Variants in SEMA6A observed in about 807,000 individuals in gnomAD.
SEMA6A encodes the protein semaphorin-6A.
In SEMA6A, 25 loss-of-function variants were observed where a neutral mutation model predicts 96.8. The observed-to-expected ratio is 0.26, with a 90% confidence interval of 0.19 to 0.36. The LOEUF is 0.36. Ranked by LOEUF, SEMA6A falls within the 10% of genes least tolerant of loss-of-function variation. SEMA6A has a pLI of 1.00. For missense variants in SEMA6A, 1,363 were observed against 1,323.1 expected, an observed-to-expected ratio of 1.03 and a Z score of -0.47; for synonymous variants, 612 against 518.0, an observed-to-expected ratio of 1.18 and a Z score of -2.46.
chr5:116,550,388 A>G (rs1760357195), intron 1 of SEMA6A: 1 of 152,188 alleles, frequency 6.6e-6, no homozygotes, highest in African/African-American at 2.4e-5. Flanking sequence ...CATTGAAACC[A>G]TGTCTGTGAA....
chr5:116,465,189 G>A (rs544647724), intron 18 of SEMA6A, among the ~76,000 whole-genome samples: 10 of 152,244 alleles, frequency 6.6e-5, no homozygotes, highest in Admixed American at 3.3e-4. Flanking sequence ...GAAAAGAAGC[G>A]AGGGCATCAC....
In SEMA6A at chr5:116,478,587, T is replaced by C. The variant is rs1192973538; in HGVS notation, c.1382A>G (p.Asn461Ser). The part of the protein sequence containing the change: ...LARIGNSGFL[N>S]DSLFLEEMSV... The stretch of plus-strand genomic sequence containing the variant: ...CATCTCCTCCAGGAAAAGGCTGTCA[T>C]TTAGAAAACCACTATTTCCTATTCT... Residue 461 changes from asparagine to serine, a missense_variant, in exon 13 of 19, where the codon AAT becomes AGT. By Grantham distance (46) the Asn-to-Ser change is conservative. Coordinates refer to ENST00000343348, the MANE Select transcript of SEMA6A (RefSeq NM_020796.5). 4 of 1,613,110 alleles carry C rather than the reference T, an allele frequency of 2.5e-6. No homozygotes were observed. The highest frequency in any genetic ancestry group is 3.4e-6 in the Non-Finnish European group (4 of 1,179,642).
intron 1 of SEMA6A, among the ~76,000 whole-genome samples, chr5:116,542,283 T>A (rs1441699243): frequency 6.6e-6 from 1 of 152,220 alleles, no homozygotes; most frequent in Non-Finnish European, 1.5e-5. Flanking sequence ...CTAGTGTTTA[T>A]ATAAGTTAGA....
Position 116,491,838 on chromosome 5 carries a change from A to G in SEMA6A, c.445-8T>C. ...TGGTTCCAATGTATCCATCTAAATG[A>G]AATAATCAGACTTAATTACAAACAA... On this transcript the variant is annotated splice_region_variant and splice_polypyrimidine_tract_variant and intron_variant, in intron 6 of 18. Transcript: ENST00000343348. 3 of 1,599,026 alleles carry G rather than the reference A, an allele frequency of 1.9e-6. No homozygotes were observed. The highest frequency in any genetic ancestry group is 2.6e-6 in the Non-Finnish European group (3 of 1,166,528).
intron 1 of SEMA6A, among the ~76,000 whole-genome samples, chr5:116,516,215 C>T (rs7734164): frequency 0.1 from 15,624 of 152,136 alleles, 1,069 homozygotes; most frequent in East Asian, 0.26. Context: ...AGGATCTGCT[C>T]CATAACCAAG....
chr5:116,540,940 G>T (rs903189567), intron 1 of SEMA6A, among the ~76,000 whole-genome samples: 4 of 152,176 alleles, frequency 2.6e-5, no homozygotes, highest in Admixed American at 1.3e-4. Flanking sequence ...CTGAACTGAT[G>T]TCAAAGTTCT....
chr5:116,510,639 G>A (rs753413652), intron 1 of SEMA6A, among the ~76,000 whole-genome samples: 21 of 151,832 alleles, frequency 1.4e-4, no homozygotes, highest in Non-Finnish European at 2.5e-4. Flanking sequence ...CAAAATTCTC[G>A]GGGAGGTCCT....
At chr5:116,493,056 A>T (rs978772131) in intron 6 of SEMA6A, among the ~76,000 whole-genome samples, 1 of 152,186 alleles carries the variant, frequency 6.6e-6, no homozygotes, top group African/African-American at 2.4e-5. Flanking sequence ...GCAACATCCC[A>T]TCTGTGGCTT....
intron 1 of SEMA6A, among the ~76,000 whole-genome samples, chr5:116,523,559 G>A (rs978605195): frequency 1.3e-5 from 2 of 151,982 alleles, no homozygotes; most frequent in Admixed American, 6.5e-5. Flanking sequence ...TGATCCACCC[G>A]CCTCAGTCTC....
Position 116,446,756 on chromosome 5 carries a change from A to G in SEMA6A, c.2950T>C (p.Ser984Pro). The G allele has an allele frequency of 2.5e-6, 4 of 1,609,430 alleles. No individual in the cohort carries two copies. The South Asian group carries it at 3.3e-5, about 13-fold the overall frequency. ...TAGGCGTTGAGGCTGGGCTGCCTCG[A>G]GACAGTCACGGCCTGGCCAGATGGC... ...SQPSGQAVTV[S>P]RQPSLNAYNS... Residue 984 changes from serine (S) to proline (P), a missense_variant, in exon 19 of 19, where the codon TCG becomes CCG. Around this residue, in one of 2 missense-constraint regions of SEMA6A, gnomAD observed 883 missense variants for 763.6 expected, o/e 1.16. Coordinates refer to ENST00000343348, the MANE Select transcript of SEMA6A (RefSeq NM_020796.5).
In SEMA6A at chr5:116,502,241, T is replaced by C. The variant is rs886393761; in HGVS notation, c.187A>G (p.Ile63Val). 6.8e-6 allele frequency: 11 copies of C among 1,613,948 alleles called. No homozygotes were observed. Among genetic ancestry groups the C allele is most frequent in the Non-Finnish European group, 9.3e-6 (11 of 1,179,862 alleles). Residue 63 changes from isoleucine to valine, a missense_variant, in exon 3 of 19, where the codon ATC becomes GTC. Around this residue, in one of 2 missense-constraint regions of SEMA6A, gnomAD observed 480 missense variants for 559.5 expected, o/e 0.86. Coordinates refer to ENST00000343348, the MANE Select transcript of SEMA6A (RefSeq NM_020796.5). ...RHRLDIQMIMIMNGTLYIAAR... is the reference protein window; with the variant it reads ...RHRLDIQMIMVMNGTLYIAAR... ...GCAATGTAGAGGGTTCCGTTCATGA[T>C]CATAATCATCTGGATGTCCAGCCTG...
chr5:116,518,437 T>C (rs1032262136), intron 1 of SEMA6A, among the ~76,000 whole-genome samples: 1 of 152,132 alleles, frequency 6.6e-6, no homozygotes, highest in African/African-American at 2.4e-5. Context: ...AAATCACCAT[T>C]CCCATAATTA....
In SEMA6A at chr5:116,521,876, C is replaced by T. The variant is rs79150856; in HGVS notation, c.-38-16894G>A. Among the ~76,000 whole-genome samples, 814 of 151,974 alleles carry T rather than the reference C, an allele frequency of 5.4e-3. 6 individuals carry two copies. Among genetic ancestry groups the T allele is most frequent in the African/African-American group, 0.019 (766 of 41,380 alleles). On this transcript the variant is annotated intron_variant, in intron 1 of 18. Transcript: ENST00000343348. ...ATAATTTTAGATTAGTTGTTATACACCAGAAAAAAAGTATGAAACATATAT... is the reference window on the plus strand; with the variant it reads ...ATAATTTTAGATTAGTTGTTATACATCAGAAAAAAAGTATGAAACATATAT...
chr5:116,538,315 T>C (rs1162990842), intron 1 of SEMA6A, among the ~76,000 whole-genome samples: 1 of 152,234 alleles, frequency 6.6e-6, no homozygotes, highest in Non-Finnish European at 1.5e-5. Flanking sequence ...TAGGTATTTG[T>C]TGATCCTTTA....
rs745753915 is a variant in SEMA6A, at chr5:116,447,607, C to T, written c.2099G>A (p.Ser700Asn). The T allele has an allele frequency of 2.5e-6, 4 of 1,614,038 alleles. No individual in the cohort carries two copies. Among genetic ancestry groups the T allele is most frequent in the Middle Eastern group, 1.6e-4 (1 of 6,062 alleles). The change falls in exon 19 of 19, where the codon AGC (serine) becomes AAC (asparagine). Residue 700 changes from serine (S) to asparagine (N), a missense_variant. This residue lies in a region of SEMA6A where 883 missense variants were observed against 763.6 expected (regional missense o/e 1.16). Transcript: ENST00000343348. Reference protein sequence around the residue: ...ELTHSRRGSMSSVTKLSGLFG... With the variant: ...ELTHSRRGSMNSVTKLSGLFG... ...GAGGCCGCTGAGCTTGGTGACGCTG[C>T]TCATGGAGCCCCGGCGCGAGTGGGT... is the stretch of plus-strand genomic sequence containing the variant.
chr5:116,495,264 T>C (rs1354843507), intron 6 of SEMA6A, 149 bp downstream of exon 6: 2 of 664,114 alleles, frequency 3.0e-6, no homozygotes, highest in East Asian at 5.5e-5. Context: ...CTGCTTAGGA[T>C]CACTCATGTG....
At chr5:116,505,121 G>GTGTT in intron 1 of SEMA6A, 139 bp from the exon 2 acceptor site, 1 of 546,910 alleles carries the variant, frequency 1.8e-6, no homozygotes, top group Non-Finnish European at 3.3e-6. Flanking sequence ...GTTGATTTTT[G>GTGTT]TGTTTGGAAC....
Position 116,444,917 on chromosome 5 carries a change from G to A in SEMA6A, c.*1696C>T, listed in dbSNP as rs980907123. The A allele has an allele frequency of 7.9e-5, 12 of 152,692 alleles. No homozygotes were observed. The highest frequency in any genetic ancestry group is 2.9e-4 in the African/African-American group (12 of 41,466). The allele number at this position is 152,692 out of a possible 1,614,324, so 9.5% of individuals were successfully genotyped here. On this transcript the variant is annotated 3_prime_UTR_variant, in exon 19 of 19. Coordinates refer to ENST00000343348, the MANE Select transcript of SEMA6A (RefSeq NM_020796.5). ...ACGCAGCAGAAAAGAGGAATGGGACGTTAGTCCCTTTTCTGCTAGCAAATA... is the reference window on the plus strand; with the variant it reads ...ACGCAGCAGAAAAGAGGAATGGGACATTAGTCCCTTTTCTGCTAGCAAATA...
rs1451801709 is a variant in SEMA6A at position 116,497,533 on chromosome 5, C to T, written c.219-146G>A. 7 of 551,976 alleles carry T rather than the reference C, an allele frequency of 1.3e-5. No homozygotes were observed. The South Asian group carries it at 1.7e-4, about 13-fold the overall frequency. 34.2% of individuals were successfully genotyped at this position (551,976 alleles called of 1,614,324 possible). A position where few individuals can be genotyped will look rare whatever the true frequency, so the allele number is the denominator to read the frequency against. Reference sequence around the variant, plus strand: ...TGCAAGAAGAAAAGAGCGCAGCCTTCAAGAGATGTCTCCGGATCCCATTTA... The same window carrying T: ...TGCAAGAAGAAAAGAGCGCAGCCTTTAAGAGATGTCTCCGGATCCCATTTA... On this transcript the variant is annotated intron_variant, in intron 3 of 18. Transcript: ENST00000343348.
Sources: gnomAD v4.1 joint callset for allele counts (sites outside exome capture counted in the v4.1 genomes callset) on GRCh38, gnomAD v4.1.1 for gene constraint, gnomAD v4.1.1 regional missense constraint, MANE v1.5 for transcripts, NCBI Gene and HGNC (gene_info 2026-07-23, HGNC 2026-07-21) for gene names.